The following ERG variants were observed in gnomAD, a reference collection of about 807,000 sequenced individuals.
ERG encodes the protein ETS transcription factor ERG.
In ERG, 9 loss-of-function variants were observed where a neutral mutation model predicts 55.3. The observed-to-expected ratio is 0.16, with a 90% CI of 0.10 to 0.28. The LOEUF is 0.28. Ranked by LOEUF, ERG falls within the 10% of genes least tolerant of loss-of-function variation. ERG has a pLI of 1.00. For synonymous variants in ERG, 223 were observed against 237.3 expected (o/e 0.94, Z 0.55); for missense variants, 434 against 631.6 (o/e 0.69, Z 3.35).
At position 38,424,187 on chromosome 21, in the gene ERG, G is replaced by GCTCTCTCTCT. The variant is rs1227355474; in HGVS notation, c.237-636_237-627dup. ...AGAAAAGAAAGAGACCAGAGCTCGA[G>GCTCTCTCTCT]CTCTCTCTCTCTCTCTCTCTCTCTC... On this transcript the variant is annotated intron_variant, in intron 2 of 9. Transcript: ENST00000288319. Among the ~76,000 whole-genome samples the GCTCTCTCTCT allele has an allele frequency of 7.4e-4, 82 of 110,154 alleles. 1 individual carries two copies. The highest frequency in any genetic ancestry group is 2.0e-3 in the African/African-American group (62 of 31,538). The allele number at this position is 110,154 out of a possible 152,430, so 72.3% of individuals were successfully genotyped here. A position where few individuals can be genotyped will look rare whatever the true frequency, so the allele number is the denominator to read the frequency against.
At chr21:38,584,761 A>G (rs1376145418) in intron 1 of ERG, 1 of 152,204 alleles carries the variant, frequency 6.6e-6, no homozygotes, top group African/African-American at 2.4e-5. Flanking sequence ...AATAGGAAAG[A>G]TACAAAATAT....
chr21:38,630,329 C>A (rs996686059), intron 1 of ERG, among the ~76,000 whole-genome samples: 4 of 152,114 alleles, frequency 2.6e-5, no homozygotes, highest in Non-Finnish European at 5.9e-5. Flanking sequence ...GGAAAACAAG[C>A]AGATAGGCCT....
intron 2 of ERG, among the ~76,000 whole-genome samples, chr21:38,433,319 A>T (rs1990304879): frequency 6.6e-6 from 1 of 152,186 alleles, no homozygotes; most frequent in South Asian, 2.1e-4. Context: ...CCAGGACAGG[A>T]GCTGGACCAC....
intron 2 of ERG, among the ~76,000 whole-genome samples, chr21:38,544,311 G>A (rs957800050): frequency 3.3e-5 from 5 of 152,188 alleles, no homozygotes; most frequent in African/African-American, 1.2e-4. Flanking sequence ...GGCTGGCAGC[G>A]CTGGAGCCAC....
intron 2 of ERG, among the ~76,000 whole-genome samples, chr21:38,504,275 G>A (rs2059443868): frequency 6.6e-6 from 1 of 152,082 alleles, no homozygotes; most frequent in South Asian, 2.1e-4. Context: ...AGTTCTATAA[G>A]CTCCCATGGA....
At chr21:38,595,419 G>T (rs1030397139) in intron 1 of ERG, among the ~76,000 whole-genome samples, 1 of 152,198 alleles carries the variant, frequency 6.6e-6, no homozygotes, top group African/African-American at 2.4e-5. Context: ...AGAGAGGAGA[G>T]CAGGATGGAA....
chr21:38,423,414 T>C lies in ERG; in HGVS notation c.384A>G (p.Pro128=), dbSNP rs1569086144. The part of the protein sequence containing the change: ...MTTNERRVIV[P]ADPTLWSTDH... The stretch of plus-strand genomic sequence containing the variant: ...GTGAAGCTGTGGGCACCTGACCTGC[T>C]GGCACGATAACTCTGCGCTCGTTCG... The change falls in exon 3 of 10, where the codon CCA becomes CCG. Residue 128 remains proline (P), a synonymous_variant. Coordinates refer to ENST00000288319, the MANE Select transcript of ERG (RefSeq NM_182918.4). 2 of 1,612,690 alleles carry C rather than the reference T, an allele frequency of 1.2e-6. No individual in the cohort carries two copies. Among genetic ancestry groups the C allele is most frequent in the Non-Finnish European group, 1.7e-6 (2 of 1,178,976 alleles).
intron 1 of ERG, among the ~76,000 whole-genome samples, chr21:38,647,307 G>A (rs1027417880): frequency 3.9e-5 from 6 of 152,106 alleles, no homozygotes; most frequent in Non-Finnish European, 7.4e-5. Context: ...GGCATCCACC[G>A]TCTTTTTTCC....
chr21:38,433,668 G>A (rs1460586867), intron 2 of ERG, among the ~76,000 whole-genome samples: 2 of 151,964 alleles, frequency 1.3e-5, no homozygotes, highest in Non-Finnish European at 2.9e-5. Flanking sequence ...GTGTGAATGG[G>A]CCTCATTTAT....
chr21:38,532,265 G>A (rs546033629), intron 2 of ERG, among the ~76,000 whole-genome samples: 11 of 152,174 alleles, frequency 7.2e-5, no homozygotes, highest in Admixed American at 5.2e-4. Flanking sequence ...GCTAATTTCT[G>A]GATTCTTTTG....
intron 1 of ERG, among the ~76,000 whole-genome samples, chr21:38,644,832 C>G (rs1169575376): frequency 6.6e-6 from 1 of 152,048 alleles, no homozygotes; most frequent in East Asian, 1.9e-4. Context: ...ATCTTCATGC[C>G]ATCATTGACC....
intron 2 of ERG, among the ~76,000 whole-genome samples, chr21:38,568,027 T>C (rs1423982015): frequency 1.3e-5 from 2 of 152,140 alleles, no homozygotes; most frequent in African/African-American, 4.8e-5. Context: ...CGTGGAACAA[T>C]GTGGGAAAGA....
intron 1 of ERG, among the ~76,000 whole-genome samples, chr21:38,451,991 G>T (rs780891200): frequency 2.6e-5 from 4 of 152,240 alleles, no homozygotes; most frequent in Non-Finnish European, 5.9e-5. Flanking sequence ...TATTAACATC[G>T]TATATTAAAT....
chr21:38,586,684 C>T (rs751729531), upstream of ERG, among the ~76,000 whole-genome samples: 1 of 152,064 alleles, frequency 6.6e-6, no homozygotes, highest in African/African-American at 2.4e-5. Flanking sequence ...AGATCAATTA[C>T]AAAACAAAAT....
chr21:38,393,673 GTC>G (rs754417753), intron 6 of ERG, among the ~76,000 whole-genome samples: 1 of 152,172 alleles, frequency 6.6e-6, no homozygotes, highest in Non-Finnish European at 1.5e-5. Context: ...CAGAAGATGT[GTC>G]TCTTCCTATT....
chr21:38,401,725 G>A (rs1988504557), intron 5 of ERG, among the ~76,000 whole-genome samples: 1 of 152,158 alleles, frequency 6.6e-6, no homozygotes, highest in Non-Finnish European at 1.5e-5. Flanking sequence ...AGAGTGGGGT[G>A]AGCAGCCGGT....
chr21:38,377,523 T>C (rs557227864), downstream of ERG, among the ~76,000 whole-genome samples: 1 of 152,366 alleles, frequency 6.6e-6, no homozygotes, highest in South Asian at 2.1e-4. Context: ...AAGTTTCAGT[T>C]ATATTCTTGC....
At position 38,622,603 on chromosome 21, in the gene ERG, C is replaced by T. The variant is rs1025252364; in HGVS notation, c.-149-37658G>A. On this transcript the variant is annotated intron_variant, in intron 1 of 10. Transcript: ENST00000398910. ...GTACCACACACACCACACACAATCA[C>T]ACACACACGTCACATACACACCATA... Among the ~76,000 whole-genome samples the T allele has an allele frequency of 1.1e-4, 16 of 147,948 alleles. No individual in the cohort carries two copies. In the South Asian group the frequency reaches 3.3e-3, roughly 30 times the overall value.
intron 1 of ERG, among the ~76,000 whole-genome samples, chr21:38,488,707 A>C (rs750372229): frequency 6.6e-6 from 1 of 152,236 alleles, no homozygotes; most frequent in Non-Finnish European, 1.5e-5. Context: ...CTAACCATAG[A>C]AAAGGCCTTC....
Sources: allele counts gnomAD v4.1 joint callset (sites outside exome capture counted in the v4.1 genomes callset), GRCh38; gene constraint gnomAD v4.1.1; transcripts MANE v1.5; gene names NCBI Gene and HGNC (gene_info 2026-07-23, HGNC 2026-07-21).